CNKSR3: variants seen among roughly 807,000 people sequenced by gnomAD.
CNKSR3 encodes CNKSR family member 3.
CNKSR3 carries 36 observed loss-of-function variants against 67.7 expected under a neutral mutation model. The ratio of observed to expected loss-of-function variants is 0.53; its 90% CI spans 0.41 to 0.70. The LOEUF (loss-of-function observed/expected upper bound fraction) is 0.70. CNKSR3 is among the 30% of genes least tolerant of loss of function. The pLI is 0.00. For synonymous variants in CNKSR3, 281 were observed against 271.4 expected, an observed-to-expected ratio of 1.04 and a Z score of -0.35; for missense variants, 630 against 695.2, an observed-to-expected ratio of 0.91 and a Z score of 1.05.
intron 2 of CNKSR3, among the ~76,000 whole-genome samples, chr6:154,448,446 A>G (rs1785754630): frequency 6.6e-6 from 1 of 151,640 alleles, no homozygotes; most frequent in Non-Finnish European, 1.5e-5. Context: ...AAAAAAAAAA[A>G]AAAAGAAAAT....
Position 154,510,381 on chromosome 6 carries a change from C to A in CNKSR3, c.-267G>T, listed in dbSNP as rs1787191729. 2.0e-6 allele frequency: 1 copy of A among 510,636 alleles called. No individual in the cohort carries two copies. Among genetic ancestry groups the A allele is most frequent in the South Asian group, 2.4e-5 (1 of 42,048 alleles). 31.6% of individuals were successfully genotyped at this position (510,636 alleles called of 1,614,324 possible). On this transcript the variant is annotated 5_prime_UTR_variant, in exon 1 of 13. Transcript: ENST00000607772. ...GGATCCCGGGCACAGCTGCTGCTCC[C>A]GAGCGACGGCAGCTGCAGGCACGCC...
chr6:154,467,086 C>T (rs1786218905), intron 1 of CNKSR3, among the ~76,000 whole-genome samples: 2 of 152,064 alleles, frequency 1.3e-5, no homozygotes, highest in Admixed American at 1.3e-4. Flanking sequence ...CCAGTTAGAG[C>T]CCTCAAATGG....
rs768701162 is a variant in CNKSR3, at chr6:154,414,320, G to A, written c.1049C>T (p.Pro350Leu). ...ATACCGGGGAGAGTAGGGAACAGCA[G>A]GCGGAGGAGGAATATAAAGATCCAG... ...AILDLYIPPP[P>L]AVPYSPRDEN... Residue 350 changes from proline (P) to leucine (L), a missense_variant, in exon 10 of 13, where the codon CCT becomes CTT. Around this residue, in one of 3 missense-constraint regions of CNKSR3, gnomAD observed 308 missense variants for 299.6 expected, o/e 1.03. Transcript: ENST00000607772. 1 of 1,608,216 alleles carries A rather than the reference G, an allele frequency of 6.2e-7. No individual in the cohort carries two copies. The highest frequency in any genetic ancestry group is 1.1e-5 in the South Asian group (1 of 89,692).
chr6:154,479,764 T>A (rs948270513), intron 1 of CNKSR3, among the ~76,000 whole-genome samples: 1 of 152,240 alleles, frequency 6.6e-6, no homozygotes, highest in African/African-American at 2.4e-5. Context: ...TTACGTGAGC[T>A]TTTAACTTTT....
rs556840409 is a variant in CNKSR3, at chr6:154,477,995, A to C, written c.53-27737T>G. Reference sequence around the variant, plus strand: ...GCTGGGGCTTCCGTCCTTATGACGGAAGAGAGGCAGCGAACACACAAACCC... The same window carrying C: ...GCTGGGGCTTCCGTCCTTATGACGGCAGAGAGGCAGCGAACACACAAACCC... On this transcript the variant is annotated intron_variant, in intron 1 of 12. Transcript: ENST00000607772. 3.3e-5 allele frequency among the ~76,000 whole-genome samples: 5 copies of C among 152,274 alleles called. No individual in the cohort carries two copies. In the East Asian group the frequency reaches 9.7e-4, roughly 29 times the overall value.
intron 1 of CNKSR3, among the ~76,000 whole-genome samples, chr6:154,458,183 C>G (rs1424014246): frequency 6.6e-6 from 1 of 152,144 alleles, no homozygotes; most frequent in Non-Finnish European, 1.5e-5. Flanking sequence ...GTTTACAGGC[C>G]CTTGGTATAA....
At chr6:154,494,179 A>G (rs941525190) in intron 1 of CNKSR3, among the ~76,000 whole-genome samples, 21 of 152,198 alleles carry the variant, frequency 1.4e-4, no homozygotes, top group Non-Finnish European at 1.5e-4. Context: ...GCCTCAGGAA[A>G]CTTACAATCG....
At chr6:154,454,392 A>C (rs1345236909) in intron 1 of CNKSR3, among the ~76,000 whole-genome samples, 2 of 152,194 alleles carry the variant, frequency 1.3e-5, no homozygotes, top group African/African-American at 4.8e-5. Flanking sequence ...AAATGTTCAG[A>C]ATAAAAGTTG....
At chr6:154,509,785 C>T (rs2114669015) in intron 1 of CNKSR3, among the ~76,000 whole-genome samples, 1 of 152,274 alleles carries the variant, frequency 6.6e-6, no homozygotes, top group East Asian at 1.9e-4. Flanking sequence ...AGATCGGCAT[C>T]CCCAGCCCTC....
intron 1 of CNKSR3, among the ~76,000 whole-genome samples, chr6:154,474,321 G>A (rs1485266041): frequency 1.3e-5 from 2 of 151,658 alleles, no homozygotes; most frequent in African/African-American, 2.4e-5. Context: ...GCTGAGGCAG[G>A]GGAATCGCTT....
chr6:154,466,281 T>A (rs890779287), intron 1 of CNKSR3, among the ~76,000 whole-genome samples: 2 of 152,156 alleles, frequency 1.3e-5, no homozygotes, highest in African/African-American at 4.8e-5. Context: ...TCCTAAGGGC[T>A]CCAGAAACAA....
intron 4 of CNKSR3, among the ~76,000 whole-genome samples, chr6:154,434,996 CTTT>C (rs367990649): frequency 7.3e-5 from 10 of 136,664 alleles, no homozygotes; most frequent in African/African-American, 8.2e-5. Flanking sequence ...CTACAAATTC[CTTT>C]TTTTTTTTTT....
intron 1 of CNKSR3, among the ~76,000 whole-genome samples, chr6:154,468,925 G>T (rs1195464241): frequency 6.6e-6 from 1 of 152,318 alleles, no homozygotes; most frequent in East Asian, 1.9e-4. Context: ...GGAGGCTAAA[G>T]TGGGAGGATC....
chr6:154,439,803 G>A (rs1338261350), intron 4 of CNKSR3, among the ~76,000 whole-genome samples: 1 of 152,124 alleles, frequency 6.6e-6, no homozygotes, highest in Non-Finnish European at 1.5e-5. Flanking sequence ...AAAGTGGAAG[G>A]ATTGCTTGAG....
At chr6:154,455,573 C>G (rs886231624) in intron 1 of CNKSR3, among the ~76,000 whole-genome samples, 1 of 151,910 alleles carries the variant, frequency 6.6e-6, no homozygotes, top group African/African-American at 2.4e-5. Flanking sequence ...AGGCACCCGC[C>G]AACACGTCCA....
intron 4 of CNKSR3, among the ~76,000 whole-genome samples, chr6:154,439,010 G>A (rs767182926): frequency 4.6e-5 from 7 of 152,082 alleles, no homozygotes; most frequent in African/African-American, 9.7e-5. Context: ...AGGAAAAGTA[G>A]CACTTGAGAT....
intron 1 of CNKSR3, among the ~76,000 whole-genome samples, chr6:154,455,503 CAG>C (rs1408206538): frequency 1.3e-4 from 19 of 150,644 alleles, no homozygotes; most frequent in South Asian, 4.2e-4. Flanking sequence ...TTTTTTCAGA[CAG>C]AGTTTCTTTC....
At chr6:154,412,759 A>G (rs1004281600) in intron 10 of CNKSR3, among the ~76,000 whole-genome samples, 1 of 152,218 alleles carries the variant, frequency 6.6e-6, no homozygotes, top group African/African-American at 2.4e-5. Context: ...GAAAACCAAC[A>G]AACAAAAAAT....
Position 154,402,278 on chromosome 6 carries a change from A to C in CNKSR3, c.*4076T>G, listed in dbSNP as rs530707092. 1 of 152,356 alleles carries C rather than the reference A, an allele frequency of 6.6e-6. No individual in the cohort carries two copies. Among genetic ancestry groups the C allele is most frequent in the African/African-American group, 2.4e-5 (1 of 41,576 alleles). The allele number at this position is 152,356 out of a possible 1,614,324, so 9.4% of individuals were successfully genotyped here. On this transcript the variant is annotated 3_prime_UTR_variant, in exon 13 of 13. Transcript: ENST00000607772. Reference sequence around the variant, plus strand: ...CCTGCAGCTTACAGCCCTCACAACAAAGAGCTGACTCATCAACACAACTTT... The same window carrying C: ...CCTGCAGCTTACAGCCCTCACAACACAGAGCTGACTCATCAACACAACTTT...
Sources: gnomAD v4.1 joint callset for allele counts (sites outside exome capture counted in the v4.1 genomes callset) on GRCh38, gnomAD v4.1.1 for gene constraint, gnomAD v4.1.1 regional missense constraint, MANE v1.5 for transcripts, NCBI Gene and HGNC (gene_info 2026-07-23, HGNC 2026-07-21) for gene names.